The following PDIA5 variants were observed in gnomAD, a reference collection of about 807,000 sequenced individuals.
PDIA5 encodes the protein protein disulfide-isomerase A5.
In PDIA5, 58 loss-of-function variants were observed where a neutral mutation model predicts 77.6. That is an observed-to-expected ratio of 0.75 (90% CI 0.61 to 0.93). The LOEUF (loss-of-function observed/expected upper bound fraction) is 0.93. PDIA5 is among the 40% of genes least tolerant of loss of function. The probability of loss-of-function intolerance (pLI) is 0.00; values close to 1 mark genes in which losing one functional copy is unlikely to be tolerated. For missense variants in PDIA5, 630 were observed against 647.7 expected, an observed-to-expected ratio of 0.97 and a Z score of 0.30; for synonymous variants, 250 against 252.1, an observed-to-expected ratio of 0.99 and a Z score of 0.08.
intron 3 of PDIA5, among the ~76,000 whole-genome samples, chr3:123,094,568 C>T (rs757478316): frequency 6.6e-6 from 1 of 152,256 alleles, no homozygotes; most frequent in African/African-American, 2.4e-5. Flanking sequence ...GTCAGCTCCA[C>T]AGAGCCCTGC....
chr3:123,114,672 C>T (rs187957813), intron 7 of PDIA5, among the ~76,000 whole-genome samples: 3 of 152,340 alleles, frequency 2.0e-5, no homozygotes, highest in Admixed American at 1.3e-4. Flanking sequence ...CTTTCTGAAT[C>T]CCCACAATGG....
intron 1 of PDIA5, among the ~76,000 whole-genome samples, chr3:123,071,791 C>A (rs1024249100): frequency 6.6e-6 from 1 of 152,140 alleles, no homozygotes; most frequent in Non-Finnish European, 1.5e-5. Context: ...AGCAGGGAGC[C>A]CCCTGTCCTG....
intron 11 of PDIA5, among the ~76,000 whole-genome samples, chr3:123,142,780 T>C (rs2107978598): frequency 6.6e-6 from 1 of 152,316 alleles, no homozygotes; most frequent in Non-Finnish European, 1.5e-5. Context: ...TGTGCCTTGC[T>C]CAGCCCTGGC....
In PDIA5 at chr3:123,111,142, T is replaced by C. The variant is rs565145035; in HGVS notation, c.541+138T>C. ...GAACGCTGAATCTCATCTCTCCATC[T>C]GCGCCTCTTTTCCTTCATCTTTGCC... On this transcript the variant is annotated intron_variant, in intron 7 of 16. Coordinates refer to ENST00000316218, the MANE Select transcript of PDIA5 (RefSeq NM_006810.4). The C allele has an allele frequency of 5.4e-5, 37 of 683,618 alleles. 1 individual carries two copies. The South Asian group carries it at 6.0e-4, about 11-fold the overall frequency. The allele number at this position is 683,618 out of a possible 1,614,324, so 42.3% of individuals were successfully genotyped here.
At chr3:123,075,466 G>T (rs1318571671) in intron 1 of PDIA5, among the ~76,000 whole-genome samples, 1 of 152,138 alleles carries the variant, frequency 6.6e-6, no homozygotes, top group African/African-American at 2.4e-5. Context: ...ACCAAGTGTC[G>T]CATCCAGTTC....
intron 16 of PDIA5, 94 bp from the exon 17 acceptor site, chr3:123,161,786 C>A: frequency 1.2e-6 from 1 of 848,806 alleles, no homozygotes; most frequent in Non-Finnish European, 2.0e-6. Context: ...TAGGAGTGAC[C>A]CCCTGGAGGG....
At chr3:123,078,046 G>C (rs1933901800) in intron 1 of PDIA5, among the ~76,000 whole-genome samples, 1 of 152,126 alleles carries the variant, frequency 6.6e-6, no homozygotes, top group South Asian at 2.1e-4. Context: ...CTGACTGCGT[G>C]ATCCGCTCGC....
rs138664584 is a variant in PDIA5 at position 123,124,341 on chromosome 3, G to C, written c.771G>C (p.Lys257Asn). 138 of 1,611,286 alleles carry C rather than the reference G, an allele frequency of 8.6e-5. No homozygotes were observed. The highest frequency in any genetic ancestry group is 1.1e-4 in the Non-Finnish European group (132 of 1,177,452). Residue 257 changes from lysine (K) to asparagine (N), a missense_variant and splice_region_variant, in exon 10 of 17, where the codon AAG (lysine) becomes AAC (asparagine). Coordinates refer to ENST00000316218, the MANE Select transcript of PDIA5 (RefSeq NM_006810.4). The part of the protein sequence containing the change: ...STAEDIVEWL[K>N]NPQPPQPQVP... Reference sequence around the variant, plus strand: ...CTGAGGACATTGTGGAGTGGCTGAAGAAGTAAGTGGGGTGTGTGTGTGTCA... The same window carrying C: ...CTGAGGACATTGTGGAGTGGCTGAACAAGTAAGTGGGGTGTGTGTGTGTCA...
intron 8 of PDIA5, among the ~76,000 whole-genome samples, chr3:123,122,353 A>C (rs1935139795): frequency 6.6e-6 from 1 of 152,224 alleles, no homozygotes; most frequent in African/African-American, 2.4e-5. Context: ...AATGAGCAGA[A>C]TGACTTTTAT....
chr3:123,089,430 T>G, intron 2 of PDIA5, 136 bp downstream of exon 2: 1 of 781,862 alleles, frequency 1.3e-6, no homozygotes, highest in Non-Finnish European at 2.1e-6. Context: ...TCACCTTTCC[T>G]CAGAAGACAG....
intron 13 of PDIA5, 61 bp downstream of exon 13, chr3:123,146,320 C>A: frequency 7.1e-7 from 1 of 1,408,088 alleles, no homozygotes. Context: ...TGGAGACCAC[C>A]TTGAGGAGGT....
chr3:123,115,330 G>T (rs1273257356), intron 7 of PDIA5, among the ~76,000 whole-genome samples: 1 of 152,190 alleles, frequency 6.6e-6, no homozygotes, highest in Non-Finnish European at 1.5e-5. Context: ...AGGAGTTTAA[G>T]GTCACTCTAA....
intron 7 of PDIA5, among the ~76,000 whole-genome samples, chr3:123,113,073 T>G (rs1382297064): frequency 1.3e-5 from 2 of 152,200 alleles, no homozygotes; most frequent in Non-Finnish European, 2.9e-5. Context: ...TTGTTTCTTC[T>G]TGGAGGAATA....
intron 3 of PDIA5, among the ~76,000 whole-genome samples, chr3:123,100,361 A>C (rs974214609): frequency 6.6e-6 from 1 of 152,264 alleles, no homozygotes; most frequent in African/African-American, 2.4e-5. Context: ...AGAGGGCTTA[A>C]GGATAAGAAA....
intron 11 of PDIA5, among the ~76,000 whole-genome samples, chr3:123,138,612 C>T (rs138233911): frequency 3.3e-5 from 5 of 152,248 alleles, no homozygotes; most frequent in African/African-American, 1.2e-4. Flanking sequence ...AAACTCTTTG[C>T]ATAAGAAGAG....
chr3:123,091,042 G>A (rs553175232), intron 2 of PDIA5, among the ~76,000 whole-genome samples: 9 of 152,238 alleles, frequency 5.9e-5, no homozygotes, highest in African/African-American at 2.2e-4. Context: ...TTAGGGCAGG[G>A]GGTACTTTAT....
chr3:123,144,379 T>C (rs2673346), intron 11 of PDIA5: 96,855 of 152,114 alleles, frequency 0.64, 31,915 homozygotes, highest in East Asian at 0.83. Flanking sequence ...CAGCCAGGCT[T>C]ACCTTCTGAG....
chr3:123,103,028 G>A (rs1934641773), intron 5 of PDIA5, among the ~76,000 whole-genome samples: 2 of 152,246 alleles, frequency 1.3e-5, no homozygotes, highest in South Asian at 4.1e-4. Flanking sequence ...TGTATCAGCA[G>A]TTGTCCAGTA....
rs142311753 is a variant in PDIA5, at chr3:123,092,419, G to T, written c.234G>T (p.Gly78=). 5.5e-5 allele frequency: 88 copies of T among 1,613,640 alleles called. No homozygotes were observed. Among genetic ancestry groups the T allele is most frequent in the Non-Finnish European group, 7.0e-5 (83 of 1,179,734 alleles). Residue 78 remains glycine (G), a synonymous_variant, in exon 3 of 17, where the codon GGG becomes GGT. Transcript: ENST00000316218. ...STVAQAVKGQ[G]TICWVDCGDA... Reference sequence around the variant, plus strand: ...TGGCCCAGGCGGTGAAAGGACAAGGGACCATCTGCTGGGTGGACTGTGGGT... The same window carrying T: ...TGGCCCAGGCGGTGAAAGGACAAGGTACCATCTGCTGGGTGGACTGTGGGT...
Sources: allele counts gnomAD v4.1 joint callset (sites outside exome capture counted in the v4.1 genomes callset), GRCh38; gene constraint gnomAD v4.1.1; transcripts MANE v1.5; gene names NCBI Gene and HGNC (gene_info 2026-07-23, HGNC 2026-07-21).